DAB2IP: variants seen among roughly 807,000 people sequenced by gnomAD.
DAB2IP encodes disabled homolog 2-interacting protein.
In DAB2IP, 28 loss-of-function variants were observed where a neutral mutation model predicts 107.2. The ratio of observed to expected loss-of-function variants is 0.26; its 90% confidence interval spans 0.19 to 0.36. The LOEUF is 0.36. Among genes scored for constraint, DAB2IP ranks in the 10% least tolerant of loss-of-function variants. The pLI is 1.00. For missense variants in DAB2IP, 1,400 were observed against 1,644.7 expected (o/e 0.85, Z 2.57); for synonymous variants, 755 against 706.4 (o/e 1.07, Z -1.09).
intron 1 of DAB2IP, among the ~76,000 whole-genome samples, chr9:121,620,747 C>T (rs1831432794): frequency 1.3e-5 from 2 of 152,122 alleles, no homozygotes; most frequent in African/African-American, 2.4e-5. Flanking sequence ...CTGTTGACAC[C>T]GCTTGACCCT....
intron 1 of DAB2IP, among the ~76,000 whole-genome samples, chr9:121,626,483 G>A (rs1484594919): frequency 2.7e-5 from 4 of 148,306 alleles, no homozygotes; most frequent in Admixed American, 2.0e-4. Context: ...GAGTTCAGTG[G>A]TGCGATCTTG....
intron 3 of DAB2IP, among the ~76,000 whole-genome samples, chr9:121,722,075 G>C (rs1258711028): frequency 6.6e-6 from 1 of 152,232 alleles, no homozygotes; most frequent in African/African-American, 2.4e-5. Flanking sequence ...CCAGGCAGGA[G>C]CTCAAGGAAG....
At chr9:121,672,495 TTTTA>T (rs1483251779) in intron 1 of DAB2IP, among the ~76,000 whole-genome samples, 1 of 152,196 alleles carries the variant, frequency 6.6e-6, no homozygotes, top group Non-Finnish European at 1.5e-5. Context: ...ATGAAACTGA[TTTTA>T]TTTTATTTAT....
At chr9:121,646,489 A>AC (rs1266562437) in intron 1 of DAB2IP, among the ~76,000 whole-genome samples, 385 of 37,532 alleles carry the variant, frequency 0.01, 1 homozygote, top group Non-Finnish European at 0.015. Flanking sequence ...GTGTCCCGCC[A>AC]CCCCCCCCAC....
Position 121,772,368 on chromosome 9 carries a change from C to T in DAB2IP, c.2079-239C>T, listed in dbSNP as rs1282760803. On this transcript the variant is annotated intron_variant, in intron 11 of 15. Transcript: ENST00000408936. The surrounding 1 kb of genome is among the most constrained non-coding windows in gnomAD (Gnocchi z 4.7). The stretch of plus-strand genomic sequence containing the variant: ...CAGGGAAGGGGTCTTCCAGGCAGCG[C>T]GGCCTGAAATGTGCAGTGCTGGCCC... 3.3e-5 allele frequency among the ~76,000 whole-genome samples: 5 copies of T among 152,264 alleles called. No homozygotes were observed. The highest frequency in any genetic ancestry group is 3.4e-3 in the Middle Eastern group (1 of 294).
chr9:121,587,955 C>G (rs1017144733), intron 1 of DAB2IP, among the ~76,000 whole-genome samples: 6 of 152,158 alleles, frequency 3.9e-5, no homozygotes, highest in Non-Finnish European at 8.8e-5. Flanking sequence ...TCTGGCAATC[C>G]TACCCCCATC....
chr9:121,573,879 C>T (rs1347842285), intron 1 of DAB2IP, among the ~76,000 whole-genome samples: 2 of 152,104 alleles, frequency 1.3e-5, no homozygotes. Context: ...CCATTGTGTG[C>T]CAAAGCTGCC....
chr9:121,598,298 G>GA (rs1830571888), intron 1 of DAB2IP: 1 of 152,330 alleles, frequency 6.6e-6, no homozygotes, highest in Non-Finnish European at 1.5e-5. Context: ...GTACGACTGG[G>GA]AGAGCAGCTC....
chr9:121,746,026 G>A (rs1832701396), intron 3 of DAB2IP, among the ~76,000 whole-genome samples: 2 of 152,200 alleles, frequency 1.3e-5, no homozygotes, highest in Admixed American at 1.3e-4. Flanking sequence ...AGGGGGTAGA[G>A]CAGGTGAGGT....
At chr9:121,688,937 T>C (rs917419876) in intron 2 of DAB2IP, among the ~76,000 whole-genome samples, 9 of 152,218 alleles carry the variant, frequency 5.9e-5, no homozygotes, top group African/African-American at 2.2e-4. Context: ...GTCCCCTGCC[T>C]TGGGAGGACA....
At chr9:121,731,781 G>A (rs1831554891) in intron 3 of DAB2IP, among the ~76,000 whole-genome samples, 1 of 152,216 alleles carries the variant, frequency 6.6e-6, no homozygotes, top group Non-Finnish European at 1.5e-5. Flanking sequence ...GGGTCTGGGT[G>A]TAGAGCAGGA....
intron 1 of DAB2IP, among the ~76,000 whole-genome samples, chr9:121,656,381 T>C (rs1832973208): frequency 6.6e-6 from 1 of 152,206 alleles, no homozygotes. Flanking sequence ...TGGGCGAGCC[T>C]GAGAACAGCC....
At chr9:121,746,620 G>A (rs1589629892) in intron 3 of DAB2IP, among the ~76,000 whole-genome samples, 1 of 152,148 alleles carries the variant, frequency 6.6e-6, no homozygotes, top group Admixed American at 6.5e-5. Flanking sequence ...GGGTGGAGGA[G>A]ATGAGATGGA....
intron 1 of DAB2IP, among the ~76,000 whole-genome samples, chr9:121,592,804 C>T (rs1373080528): frequency 1.3e-5 from 2 of 152,152 alleles, no homozygotes; most frequent in African/African-American, 4.8e-5. Context: ...GTGCTGCAGG[C>T]TCTGTCGCCC....
intron 3 of DAB2IP, among the ~76,000 whole-genome samples, chr9:121,755,165 C>A (rs1833387872): frequency 6.6e-6 from 1 of 152,216 alleles, no homozygotes; most frequent in African/African-American, 2.4e-5. Context: ...GGAGGCCAGG[C>A]CGCTCGAGCA....
chr9:121,777,658 G>A (rs1344509326), intron 14 of DAB2IP, among the ~76,000 whole-genome samples: 2 of 152,004 alleles, frequency 1.3e-5, no homozygotes, highest in African/African-American at 4.8e-5. Flanking sequence ...ATCCTTACTG[G>A]CTTTTCTATT....
At chr9:121,570,665 C>T (rs1469840861) in intron 1 of DAB2IP, among the ~76,000 whole-genome samples, 5 of 152,094 alleles carry the variant, frequency 3.3e-5, no homozygotes, top group Non-Finnish European at 1.5e-5. Flanking sequence ...CCTCCTGCTT[C>T]AGCCTTCAGA....
At chr9:121,650,024 T>C (rs1007379858), upstream of DAB2IP, among the ~76,000 whole-genome samples, 1 of 152,182 alleles carries the variant, frequency 6.6e-6, no homozygotes, top group Non-Finnish European at 1.5e-5. Flanking sequence ...TGTTTGTTTG[T>C]TTGTTTTAGC....
At chr9:121,734,706 A>G (rs1271693866) in intron 3 of DAB2IP, among the ~76,000 whole-genome samples, 3 of 152,232 alleles carry the variant, frequency 2.0e-5, no homozygotes, top group Non-Finnish European at 2.9e-5. Flanking sequence ...GAAGGCTTCC[A>G]GGAGGAAGGA....
Sources: allele counts gnomAD v4.1 joint callset (sites outside exome capture counted in the v4.1 genomes callset), GRCh38; gene constraint gnomAD v4.1.1; non-coding constraint Gnocchi (gnomAD v3.1); transcripts MANE v1.5; gene names NCBI Gene and HGNC (gene_info 2026-07-23, HGNC 2026-07-21).